Variants in ZFR observed in about 807,000 individuals in gnomAD.
ZFR encodes the protein zinc finger RNA binding protein.
ZFR carries 19 observed loss-of-function variants against 130.7 expected under a neutral mutation model. The ratio of observed to expected loss-of-function variants is 0.15; its 90% CI spans 0.10 to 0.21. ZFR has a LOEUF of 0.21. ZFR is among the 10% of genes least tolerant of loss of function. The probability of loss-of-function intolerance (pLI) is 1.00; values close to 1 mark genes in which losing one functional copy is unlikely to be tolerated. For missense variants in ZFR, 872 were observed against 1,321.5 expected (o/e 0.66, Z 5.27); for synonymous variants, 466 against 456.9 (o/e 1.02, Z -0.25).
intron 14 of ZFR, among the ~76,000 whole-genome samples, chr5:32,386,026 T>C (rs1215344776): frequency 6.6e-6 from 1 of 152,132 alleles, no homozygotes; most frequent in East Asian, 1.9e-4. Context: ...TCCCATATTG[T>C]ACATTTTCTG....
chr5:32,372,424 C>T (rs1042438199), intron 17 of ZFR, among the ~76,000 whole-genome samples: 40 of 151,960 alleles, frequency 2.6e-4, no homozygotes, highest in Non-Finnish European at 4.4e-5. Context: ...ATATGGTTGA[C>T]CCTTGAAAAA....
At chr5:32,393,549 G>A (rs1753229318) in intron 11 of ZFR, among the ~76,000 whole-genome samples, 1 of 152,102 alleles carries the variant, frequency 6.6e-6, no homozygotes, top group Non-Finnish European at 1.5e-5. Context: ...CTCCATGTTG[G>A]TCAGGCTGGT....
At chr5:32,397,847 A>ATT (rs1753352284) in intron 9 of ZFR, among the ~76,000 whole-genome samples, 12 of 71,104 alleles carry the variant, frequency 1.7e-4, no homozygotes, top group South Asian at 5.0e-4. Flanking sequence ...TTGCTCTTGT[A>ATT]TCTTTTTTTT....
At chr5:32,388,872 G>A (rs1287410489) in intron 12 of ZFR, among the ~76,000 whole-genome samples, 198 bp from the exon 13 acceptor site, 1 of 152,030 alleles carries the variant, frequency 6.6e-6, no homozygotes, top group African/African-American at 2.4e-5. Flanking sequence ...ATGCATGCAT[G>A]CATGTACACC....
chr5:32,412,637 G>T (rs1753736593), intron 5 of ZFR, among the ~76,000 whole-genome samples: 1 of 152,100 alleles, frequency 6.6e-6, no homozygotes, highest in Non-Finnish European at 1.5e-5. Context: ...TCATAATGTT[G>T]CCATTGTGGC....
chr5:32,377,105 A>G (rs62360819), intron 17 of ZFR, among the ~76,000 whole-genome samples: 141,161 of 147,828 alleles, frequency 0.95, 67,449 homozygotes, highest in African/African-American at 0.98. Context: ...GCAGTGAGCC[A>G]AGATCGTGCC....
In ZFR at chr5:32,415,528, G is replaced by GCA. The variant is rs1561908612; in HGVS notation, c.566-342_566-341insTG. On this transcript the variant is annotated intron_variant, in intron 4 of 19. Transcript: ENST00000265069. Reference sequence around the variant, plus strand: ...TGTGTGTGTGTGTGCGCGCGCGCGCGCGCGCACTAGTCAGTCTACTTCAGT... The same window carrying GCA: ...TGTGTGTGTGTGTGCGCGCGCGCGCGCACGCGCACTAGTCAGTCTACTTCAGT... Among the ~76,000 whole-genome samples, 37 of 151,418 alleles carry GCA rather than the reference G, an allele frequency of 2.4e-4. 1 individual carries two copies. The highest frequency in any genetic ancestry group is 8.5e-4 in the African/African-American group (35 of 41,232).
At chr5:32,400,477 G>A (rs1236750604) in intron 8 of ZFR, among the ~76,000 whole-genome samples, 1 of 152,162 alleles carries the variant, frequency 6.6e-6, no homozygotes, top group East Asian at 1.9e-4. Context: ...GAAATGGTAA[G>A]GACTAAGCCT....
chr5:32,358,227 T>C (rs1752353100), intron 19 of ZFR, among the ~76,000 whole-genome samples: 1 of 152,070 alleles, frequency 6.6e-6, no homozygotes, highest in African/African-American at 2.4e-5. Context: ...TGTGGTGGCA[T>C]GCACCTGTAG....
At chr5:32,358,531 G>C (rs1348117046) in intron 19 of ZFR, among the ~76,000 whole-genome samples, 2 of 152,002 alleles carry the variant, frequency 1.3e-5, no homozygotes, top group Non-Finnish European at 2.9e-5. Context: ...TTGGTGGCGG[G>C]TGCCTATAGT....
intron 2 of ZFR, among the ~76,000 whole-genome samples, chr5:32,428,178 C>T (rs1561920794): frequency 6.6e-6 from 1 of 152,144 alleles, no homozygotes; most frequent in Admixed American, 6.5e-5. Flanking sequence ...CTGTGGGAGG[C>T]CGAGGTGGGC....
intron 4 of ZFR, among the ~76,000 whole-genome samples, chr5:32,415,527 C>CGT (rs1561908595): frequency 1.1e-4 from 16 of 144,904 alleles, no homozygotes; most frequent in South Asian, 9.0e-4. Context: ...CGCGCGCGCG[C>CGT]GCGCGCACTA....
At chr5:32,409,565 C>T (rs968323972) in intron 5 of ZFR, among the ~76,000 whole-genome samples, 1 of 152,000 alleles carries the variant, frequency 6.6e-6, no homozygotes, top group African/African-American at 2.4e-5. Context: ...ACCACCATAC[C>T]TGGCTCATTT....
chr5:32,369,067 T>C (rs1366775435), intron 17 of ZFR, among the ~76,000 whole-genome samples: 1 of 152,214 alleles, frequency 6.6e-6, no homozygotes, highest in Non-Finnish European at 1.5e-5. Flanking sequence ...ATGAAAGTCT[T>C]AATAAAAATG....
intron 19 of ZFR, among the ~76,000 whole-genome samples, chr5:32,360,850 G>A (rs980707299): frequency 2.0e-5 from 3 of 151,770 alleles, no homozygotes; most frequent in Admixed American, 6.6e-5. Flanking sequence ...CCTCGGCCTC[G>A]CAAACTGTTC....
Position 32,355,818 on chromosome 5 carries a change from C to T in ZFR, c.3167G>A (p.Gly1056Glu). ...CCCCTCAGCTTCAAATCCATCAACT[C>T]CATCACTATCTCTTCTTCGTTTCCT... Reference protein sequence around the residue: ...NNRKRRRDSDGVDGFEAEGKK... With the variant: ...NNRKRRRDSDEVDGFEAEGKK... The change falls in exon 20 of 20, where the codon GGA becomes GAA. Residue 1056 changes from glycine to glutamate, a missense_variant. This residue lies in a region of ZFR where 158 missense variants were observed against 264.0 expected (regional missense o/e 0.60). Transcript: ENST00000265069. The T allele has an allele frequency of 6.2e-7, 1 of 1,609,392 alleles. No individual in the cohort carries two copies. The highest frequency in any genetic ancestry group is 1.1e-5 in the South Asian group (1 of 90,302).
At position 32,397,688 on chromosome 5, in the gene ZFR, C is replaced by T. The variant is rs578114106; in HGVS notation, c.1714-350G>A. 1.5e-3 allele frequency among the ~76,000 whole-genome samples: 222 copies of T among 152,222 alleles called. 2 individuals carry two copies. The highest frequency in any genetic ancestry group is 1.7e-3 in the Non-Finnish European group (115 of 68,016). ...TGTTGGCCAGGCTGGTCTCAAACTC[C>T]TTGTGATCCGCCCACCTTGGCCTCC... is the stretch of plus-strand genomic sequence containing the variant. On this transcript the variant is annotated intron_variant, in intron 9 of 19. Transcript: ENST00000265069.
chr5:32,362,601 T>C (rs1409713807), intron 19 of ZFR, among the ~76,000 whole-genome samples: 1 of 152,216 alleles, frequency 6.6e-6, no homozygotes, highest in Non-Finnish European at 1.5e-5. Flanking sequence ...GATGGGTAAC[T>C]GTTCTGTTGC....
chr5:32,389,441 C>T (rs1753112500), intron 12 of ZFR, among the ~76,000 whole-genome samples: 1 of 152,156 alleles, frequency 6.6e-6, no homozygotes, highest in Admixed American at 6.5e-5. Flanking sequence ...CCTTGGTCTT[C>T]CTAAAGTACT....
Sources: gnomAD v4.1 joint callset for allele counts (sites outside exome capture counted in the v4.1 genomes callset) on GRCh38, gnomAD v4.1.1 for gene constraint, gnomAD v4.1.1 regional missense constraint, MANE v1.5 for transcripts, NCBI Gene and HGNC (gene_info 2026-07-23, HGNC 2026-07-21) for gene names.